KCNAB1: variants seen among roughly 807,000 people sequenced by gnomAD.
The protein encoded by KCNAB1 is voltage-gated potassium channel subunit beta-1.
In KCNAB1, 35 loss-of-function variants were observed where a neutral mutation model predicts 64.6. The observed-to-expected ratio is 0.54, with a 90% CI of 0.41 to 0.72. The LOEUF is 0.72. Among genes scored for constraint, KCNAB1 ranks in the 30% least tolerant of loss-of-function variants. The probability of loss-of-function intolerance (pLI) is 0.00; values close to 1 mark genes in which losing one functional copy is unlikely to be tolerated. For missense variants in KCNAB1, 401 were observed against 512.9 expected, an observed-to-expected ratio of 0.78 and a Z score of 2.11; for synonymous variants, 177 against 183.8, an observed-to-expected ratio of 0.96 and a Z score of 0.30.
At chr3:156,148,659 G>A (rs555344905) in intron 1 of KCNAB1, among the ~76,000 whole-genome samples, 43 of 152,288 alleles carry the variant, frequency 2.8e-4, no homozygotes, top group Non-Finnish European at 5.1e-4. Flanking sequence ...GCTAGCATGG[G>A]AACCTAAGTG....
At chr3:156,457,612 G>A (rs1712543572) in intron 4 of KCNAB1, 80 bp downstream of exon 4, 3 of 1,251,628 alleles carry the variant, frequency 2.4e-6, no homozygotes, top group Non-Finnish European at 3.5e-6. Flanking sequence ...CCAGCATGTT[G>A]GTGAAAAGGT....
At chr3:156,315,847 TCC>T (rs1367399076) in intron 1 of KCNAB1, among the ~76,000 whole-genome samples, 2 of 152,108 alleles carry the variant, frequency 1.3e-5, no homozygotes, top group African/African-American at 4.8e-5. Flanking sequence ...GAATGTGGGG[TCC>T]TAATGTTTAG....
chr3:156,256,127 G>T (rs908427937), intron 1 of KCNAB1, among the ~76,000 whole-genome samples: 3 of 152,162 alleles, frequency 2.0e-5, no homozygotes, highest in Non-Finnish European at 4.4e-5. Flanking sequence ...CAGAGAAATT[G>T]TTTGTTTCTT....
intron 1 of KCNAB1, among the ~76,000 whole-genome samples, chr3:156,348,338 G>A (rs1312087821): frequency 1.3e-5 from 2 of 152,198 alleles, no homozygotes; most frequent in East Asian, 3.8e-4. Flanking sequence ...AGGGTCTATT[G>A]CAGCATTAAG....
At chr3:156,268,374 T>C (rs1718842286) in intron 1 of KCNAB1, among the ~76,000 whole-genome samples, 1 of 152,204 alleles carries the variant, frequency 6.6e-6, no homozygotes, top group Non-Finnish European at 1.5e-5. Context: ...TTCCTTTCTT[T>C]TGTGTATATC....
intron 1 of KCNAB1, among the ~76,000 whole-genome samples, chr3:156,374,388 T>TCCCC (rs1711522534): frequency 4.7e-5 from 4 of 85,304 alleles, no homozygotes; most frequent in African/African-American, 2.6e-4. Context: ...TGGCCATGAA[T>TCCCC]TCCTGAGCTA....
intron 8 of KCNAB1, among the ~76,000 whole-genome samples, chr3:156,480,849 C>T (rs1714744479): frequency 6.6e-6 from 1 of 152,098 alleles, no homozygotes; most frequent in African/African-American, 2.4e-5. Flanking sequence ...TATTCCCAGT[C>T]TGACAGAGCC....
intron 1 of KCNAB1, among the ~76,000 whole-genome samples, chr3:156,310,312 C>CT (rs1721804822): frequency 6.6e-6 from 1 of 152,102 alleles, no homozygotes; most frequent in Non-Finnish European, 1.5e-5. Flanking sequence ...CCACTGGCTG[C>CT]TGTAGGGTGT....
intron 2 of KCNAB1, among the ~76,000 whole-genome samples, chr3:156,423,336 A>G (rs1460771367): frequency 6.6e-6 from 1 of 152,218 alleles, no homozygotes; most frequent in Non-Finnish European, 1.5e-5. Flanking sequence ...GGACGTGAGA[A>G]GCACACAAGG....
chr3:156,392,948 A>G (rs1167150324), intron 1 of KCNAB1, among the ~76,000 whole-genome samples: 2 of 152,232 alleles, frequency 1.3e-5, no homozygotes, highest in Admixed American at 6.5e-5. Context: ...TAGTATTAAT[A>G]TCAAGGTTAT....
intron 1 of KCNAB1, among the ~76,000 whole-genome samples, chr3:156,282,321 G>T (rs1370726017): frequency 5.4e-5 from 8 of 149,010 alleles, no homozygotes; most frequent in South Asian, 4.6e-4. Context: ...TTGCACTATG[G>T]TCTGAGAGAT....
chr3:156,312,729 A>AAAAAAAAAAAC (rs1560189800), intron 1 of KCNAB1, among the ~76,000 whole-genome samples: 8 of 150,096 alleles, frequency 5.3e-5, no homozygotes, highest in Admixed American at 1.3e-4. Context: ...AAAAAAAAAA[A>AAAAAAAAAAAC]AACTCATAAT....
chr3:156,304,440 T>G (rs1721354010), intron 1 of KCNAB1, among the ~76,000 whole-genome samples: 1 of 152,206 alleles, frequency 6.6e-6, no homozygotes. Flanking sequence ...AATGGTATAT[T>G]ATGTAGTCTA....
At chr3:156,309,433 C>T (rs1247564300) in intron 1 of KCNAB1, among the ~76,000 whole-genome samples, 18 of 152,160 alleles carry the variant, frequency 1.2e-4, no homozygotes, top group Non-Finnish European at 2.6e-4. Context: ...GTCTATAAGC[C>T]CATGCTGTTC....
At chr3:156,221,239 T>C (rs2108414088) in intron 1 of KCNAB1, among the ~76,000 whole-genome samples, 1 of 152,332 alleles carries the variant, frequency 6.6e-6, no homozygotes, top group African/African-American at 2.4e-5. Context: ...AGTAGTTTTT[T>C]CCAATTTTGT....
intron 1 of KCNAB1, among the ~76,000 whole-genome samples, chr3:156,211,776 A>G (rs1207203373): frequency 6.6e-6 from 1 of 152,204 alleles, no homozygotes; most frequent in Non-Finnish European, 1.5e-5. Flanking sequence ...AAACTGAGGG[A>G]TATGTCTATC....
At chr3:156,492,125 TACTA>T (rs1363114614) in intron 8 of KCNAB1, among the ~76,000 whole-genome samples, 12 of 152,268 alleles carry the variant, frequency 7.9e-5, no homozygotes, top group South Asian at 4.1e-4. Context: ...TATTAATAGA[TACTA>T]ACTATGTCAC....
At chr3:156,335,311 C>T (rs538925324) in intron 1 of KCNAB1, among the ~76,000 whole-genome samples, 3 of 152,326 alleles carry the variant, frequency 2.0e-5, no homozygotes, top group East Asian at 1.9e-4. Context: ...TCCCCTTTGC[C>T]CTCTGTCATT....
At chr3:156,405,462 A>C (rs1714187543) in intron 1 of KCNAB1, among the ~76,000 whole-genome samples, 1 of 152,216 alleles carries the variant, frequency 6.6e-6, no homozygotes, top group Non-Finnish European at 1.5e-5. Flanking sequence ...AGCAACTAAG[A>C]GGAGGTGGTT....
Sources: gnomAD v4.1 joint callset for allele counts (sites outside exome capture counted in the v4.1 genomes callset) on GRCh38, gnomAD v4.1.1 for gene constraint, MANE v1.5 for transcripts, NCBI Gene and HGNC (gene_info 2026-07-23, HGNC 2026-07-21) for gene names.